GSE1: variants seen among roughly 807,000 people sequenced by gnomAD.
GSE1 encodes genetic suppressor element 1.
Under a neutral mutation model 112.6 loss-of-function variants are expected in GSE1, and 32 were observed. The observed-to-expected ratio is 0.28, with a 90% confidence interval of 0.21 to 0.38. The LOEUF is 0.38. Among genes scored for constraint, GSE1 ranks in the 10% least tolerant of loss-of-function variants. The probability of loss-of-function intolerance (pLI) is 1.00; values close to 1 mark genes in which losing one functional copy is unlikely to be tolerated. For missense variants in GSE1, 2,348 were observed against 1,699.2 expected (o/e 1.38, Z -6.71); for synonymous variants, 1,115 against 735.6 (o/e 1.52, Z -8.35).
chr16:85,293,588 G>GAAAT (rs1378133161), intron 1 of GSE1, among the ~76,000 whole-genome samples: 10 of 152,294 alleles, frequency 6.6e-5, no homozygotes, highest in Non-Finnish European at 1.2e-4. Flanking sequence ...TGAAACAGTA[G>GAAAT]AAATGTATTC....
intron 2 of GSE1, among the ~76,000 whole-genome samples, chr16:85,401,128 G>A (rs2048105307): frequency 6.6e-6 from 1 of 152,208 alleles, no homozygotes; most frequent in Non-Finnish European, 1.5e-5. Flanking sequence ...CTGAGGCCCA[G>A]CTGGGTGGGT....
At chr16:85,521,872 A>G (rs2052198673) in intron 2 of GSE1, among the ~76,000 whole-genome samples, 1 of 152,206 alleles carries the variant, frequency 6.6e-6, no homozygotes. Flanking sequence ...CGACTCTTGT[A>G]AGATCCTCTG....
intron 2 of GSE1, among the ~76,000 whole-genome samples, chr16:85,427,906 TA>T (rs1268077036): frequency 6.6e-6 from 1 of 152,250 alleles, no homozygotes; most frequent in Non-Finnish European, 1.5e-5. Flanking sequence ...TGGACAATAT[TA>T]AAAAATATCA....
chr16:85,639,234 G>T (rs1033555460), intron 2 of GSE1, among the ~76,000 whole-genome samples: 1 of 152,224 alleles, frequency 6.6e-6, no homozygotes, highest in East Asian at 1.9e-4. Context: ...AGCTGGGCCA[G>T]CTCCCGCTGT....
intron 1 of GSE1, among the ~76,000 whole-genome samples, chr16:85,282,031 C>CTT (rs747822787): frequency 0.018 from 2,511 of 142,770 alleles, 72 homozygotes; most frequent in African/African-American, 0.06. Context: ...GTTTTCTTTT[C>CTT]TTTTTTTTTT....
intron 2 of GSE1, among the ~76,000 whole-genome samples, chr16:85,378,906 T>C (rs2047484271): frequency 1.3e-5 from 2 of 152,174 alleles, no homozygotes; most frequent in South Asian, 4.1e-4. Context: ...GGTGGCCAAA[T>C]TGGATGCTCC....
At chr16:85,392,960 C>T (rs565956889) in intron 2 of GSE1, among the ~76,000 whole-genome samples, 2 of 152,242 alleles carry the variant, frequency 1.3e-5, no homozygotes, top group Non-Finnish European at 2.9e-5. Context: ...TCCTCTCATC[C>T]TCTCCCTGCC....
At chr16:85,498,911 G>A (rs933444770) in intron 2 of GSE1, among the ~76,000 whole-genome samples, 7 of 152,276 alleles carry the variant, frequency 4.6e-5, no homozygotes, top group African/African-American at 7.2e-5. Flanking sequence ...TGGGCTGACA[G>A]GCCGTGAGCG....
At chr16:85,653,059 T>C (rs527516203) in intron 3 of GSE1, among the ~76,000 whole-genome samples, 27 of 150,678 alleles carry the variant, frequency 1.8e-4, no homozygotes, top group African/African-American at 6.3e-4. Context: ...GCCTGGGCAG[T>C]GCTGTCCCCA....
chr16:85,213,112 A>G (rs1393494504), intron 1 of GSE1, among the ~76,000 whole-genome samples: 2 of 152,020 alleles, frequency 1.3e-5, no homozygotes, highest in African/African-American at 2.4e-5. Flanking sequence ...CTACTAAAAT[A>G]CAAAAAATTA....
At position 85,656,533 on chromosome 16, in the gene GSE1, C is replaced by A; in HGVS notation, c.1180C>A (p.Arg394=). The A allele has an allele frequency of 6.5e-7, 1 of 1,549,096 alleles. No homozygotes were observed. Among genetic ancestry groups the A allele is most frequent in the African/African-American group, 1.4e-5 (1 of 73,140 alleles). The change falls in exon 7 of 16, where the codon CGG becomes AGG. Residue 394 remains arginine, a synonymous_variant. Transcript: ENST00000253458. ...ELERQREQRA[R]EKELLAAKAL... ...GGAGCGCCAGCGGGAGCAGCGGGCC[C>A]GGGAGAAGGAGCTGCTGGCCGCCAA...
chr16:85,316,491 G>C (rs9934588), intron 1 of GSE1, among the ~76,000 whole-genome samples: 113,644 of 151,524 alleles, frequency 0.75, 42,812 homozygotes, highest in Middle Eastern at 0.89. Flanking sequence ...TGTCCTCTCT[G>C]CCCGGTGAAG....
At chr16:85,441,455 G>C (rs1039854000) in intron 2 of GSE1, among the ~76,000 whole-genome samples, 3 of 147,182 alleles carry the variant, frequency 2.0e-5, no homozygotes, top group African/African-American at 7.5e-5. Flanking sequence ...AGGAGTTTGA[G>C]ACCAGCCTGA....
chr16:85,338,024 A>G (rs562255028), intron 1 of GSE1, among the ~76,000 whole-genome samples: 3 of 152,232 alleles, frequency 2.0e-5, no homozygotes, highest in South Asian at 2.1e-4. Flanking sequence ...TCACCTCTGG[A>G]TCAAGAGAAT....
intron 2 of GSE1, among the ~76,000 whole-genome samples, chr16:85,412,779 G>A (rs904212472): frequency 6.6e-6 from 1 of 151,852 alleles, no homozygotes; most frequent in Non-Finnish European, 1.5e-5. Context: ...GATAATCCTC[G>A]CTGACCTCTC....
intron 2 of GSE1, among the ~76,000 whole-genome samples, chr16:85,390,083 ATTTC>A (rs1245845907): frequency 6.6e-6 from 1 of 152,176 alleles, no homozygotes; most frequent in Non-Finnish European, 1.5e-5. Context: ...AGTACAGATT[ATTTC>A]TTTATCTATT....
chr16:85,215,071 T>TAG (rs1481702455), intron 1 of GSE1, among the ~76,000 whole-genome samples: 1 of 152,148 alleles, frequency 6.6e-6, no homozygotes, highest in Non-Finnish European at 1.5e-5. Flanking sequence ...AGGCCACCGT[T>TAG]AACACTGACC....
intron 1 of GSE1, among the ~76,000 whole-genome samples, chr16:85,342,191 A>G (rs1285010304): frequency 6.6e-6 from 1 of 152,148 alleles, no homozygotes; most frequent in Non-Finnish European, 1.5e-5. Context: ...ATCCCGTGAC[A>G]GAAACCCTGC....
At chr16:85,665,301 C>T (rs879624952) in intron 12 of GSE1, among the ~76,000 whole-genome samples, 173 bp downstream of exon 12, 2 of 152,198 alleles carry the variant, frequency 1.3e-5, no homozygotes, top group Admixed American at 6.5e-5. Flanking sequence ...GTCATTGGGA[C>T]GGAACGTCAG....
Sources: allele counts gnomAD v4.1 joint callset (sites outside exome capture counted in the v4.1 genomes callset), GRCh38; gene constraint gnomAD v4.1.1; transcripts MANE v1.5; gene names NCBI Gene and HGNC (gene_info 2026-07-23, HGNC 2026-07-21).